MZT2A: variants seen among roughly 807,000 people sequenced by gnomAD.
MZT2A encodes the protein mitotic-spindle organizing protein 2A.
Under a neutral mutation model 12.4 loss-of-function variants are expected in MZT2A, and 8 were observed. The observed-to-expected ratio is 0.64, with a 90% CI of 0.38 to 1.16. The LOEUF is 1.16. MZT2A is among the 50% of genes most tolerant of loss of function. The pLI is 0.01. For synonymous variants in MZT2A, 88 were observed against 107.5 expected (o/e 0.82, Z 1.12); for missense variants, 181 against 223.6 (o/e 0.81, Z 1.22).
At chr2:131,477,483 A>T (rs772289876) in intron 2 of MZT2A, among the ~76,000 whole-genome samples, 2 of 152,066 alleles carry the variant, frequency 1.3e-5, no homozygotes, top group African/African-American at 2.4e-5. Context: ...GCCTGCCAAA[A>T]GTGTGGCCTT....
At chr2:131,487,781 T>C (rs1356661519) in intron 2 of MZT2A, among the ~76,000 whole-genome samples, 3 of 152,224 alleles carry the variant, frequency 2.0e-5, no homozygotes, top group Non-Finnish European at 2.9e-5. Flanking sequence ...TTTTGTTTAT[T>C]TTTGAGACAG....
chr2:131,486,292 A>C (rs1251060833), intron 2 of MZT2A: 2 of 166,928 alleles, frequency 1.2e-5, no homozygotes, highest in African/African-American at 4.8e-5. Context: ...TCTGTCTTCC[A>C]TGAGCAGACG....
At chr2:131,484,509 C>T (rs1402910686) in intron 2 of MZT2A, among the ~76,000 whole-genome samples, 2 of 152,212 alleles carry the variant, frequency 1.3e-5, no homozygotes, top group Non-Finnish European at 2.9e-5. Flanking sequence ...ATGCCACGGG[C>T]CCATTTAGGG....
intron 2 of MZT2A, chr2:131,490,231 A>C: frequency 2.4e-6 from 2 of 830,650 alleles, no homozygotes; most frequent in Non-Finnish European, 2.9e-6. Flanking sequence ...AAGGGGGCTG[A>C]GTGCTGGAGT....
intron 2 of MZT2A, among the ~76,000 whole-genome samples, chr2:131,474,968 AT>A (rs199573170): frequency 1.3e-5 from 2 of 149,410 alleles, no homozygotes; most frequent in Admixed American, 6.6e-5. Flanking sequence ...AATAAACTCT[AT>A]TTTTTTTTCA....
intron 2 of MZT2A, chr2:131,490,778 G>A (rs1679262541): frequency 6.5e-7 from 1 of 1,549,932 alleles, no homozygotes; most frequent in African/African-American, 1.4e-5. Flanking sequence ...AGAGAGAGGT[G>A]AGTGTGTGGC....
chr2:131,492,697 T>C (rs1489432557), upstream of MZT2A: 2 of 1,250,202 alleles, frequency 1.6e-6, no homozygotes, highest in Non-Finnish European at 1.0e-6. Context: ...GTGCCAGGCA[T>C]ACATTGGGCG....
At chr2:131,477,087 G>A (rs1050877222) in intron 2 of MZT2A, among the ~76,000 whole-genome samples, 2 of 150,744 alleles carry the variant, frequency 1.3e-5, no homozygotes, top group Non-Finnish European at 3.0e-5. Context: ...GCCCAGGCTG[G>A]AGCACAGTTG....
chr2:131,490,997 C>T (rs1235203747), intron 2 of MZT2A: 4 of 1,509,106 alleles, frequency 2.7e-6, no homozygotes, highest in Non-Finnish European at 2.7e-6. Context: ...CGTGGGTGCC[C>T]AGGCCCTGGC....
chr2:131,492,954 T>C (rs1679410853), upstream of MZT2A: 6 of 1,522,930 alleles, frequency 3.9e-6, no homozygotes, highest in Admixed American at 1.0e-4. Context: ...TTCCCCTCCC[T>C]GGCCGGCCGG....
chr2:131,488,127 C>A (rs927266160), intron 2 of MZT2A, among the ~76,000 whole-genome samples: 6 of 152,166 alleles, frequency 3.9e-5, no homozygotes, highest in Non-Finnish European at 1.5e-5. Flanking sequence ...ATGTGTGGCT[C>A]GAAGTTCCTG....
intron 2 of MZT2A, chr2:131,476,152 C>A: frequency 1.2e-6 from 2 of 1,613,200 alleles, no homozygotes; most frequent in Non-Finnish European, 1.7e-6. Flanking sequence ...GCTGTGGCAG[C>A]CGGTTGAGGT....
At chr2:131,492,761 C>G, upstream of MZT2A, 1 of 1,266,058 alleles carries the variant, frequency 7.9e-7, no homozygotes, top group Middle Eastern at 3.2e-4. Flanking sequence ...CGCACCGGTG[C>G]ACCACTAGGG....
At chr2:131,474,822 T>A (rs915600946) in intron 2 of MZT2A, among the ~76,000 whole-genome samples, 25 of 144,036 alleles carry the variant, frequency 1.7e-4, no homozygotes, top group Non-Finnish European at 1.6e-4. Context: ...CAGCAAGACT[T>A]CTTCTCTAAT....
At chr2:131,492,581 C>A (rs1289321201), upstream of MZT2A, 85 of 1,180,924 alleles carry the variant, frequency 7.2e-5, no homozygotes, top group Non-Finnish European at 6.5e-5. Flanking sequence ...GCGCGCTAGG[C>A]GTCGGGAGTG....
chr2:131,475,862 A>T (rs1678641026), intron 2 of MZT2A, among the ~76,000 whole-genome samples: 1 of 152,086 alleles, frequency 6.6e-6, no homozygotes, highest in Non-Finnish European at 1.5e-5. Context: ...ATGTTCCGCG[A>T]CCCACAGAGG....
downstream of MZT2A, chr2:131,483,939 A>C (rs1194059861): frequency 6.9e-7 from 1 of 1,440,726 alleles, no homozygotes. Flanking sequence ...TAAAAAAAAA[A>C]AAAAAACAGT....
intron 2 of MZT2A, chr2:131,490,935 G>C: frequency 6.5e-7 from 1 of 1,549,498 alleles, no homozygotes; most frequent in East Asian, 2.4e-5. Context: ...ACAGAGCGAG[G>C]GTCAGTGAAG....
downstream of MZT2A, chr2:131,479,256 C>T (rs1185263303): frequency 1.9e-6 from 3 of 1,591,030 alleles, no homozygotes; most frequent in Admixed American, 1.7e-5. Flanking sequence ...ATGTGTCCAT[C>T]TTGGTGAGTA....
Sources: gnomAD v4.1 joint callset for allele counts (sites outside exome capture counted in the v4.1 genomes callset) on GRCh38, gnomAD v4.1.1 for gene constraint, MANE v1.5 for transcripts, NCBI Gene and HGNC (gene_info 2026-07-23, HGNC 2026-07-21) for gene names.